RFX3: variants seen among roughly 807,000 people sequenced by gnomAD.
RFX3 encodes the protein regulatory factor X3, also known as transcription factor RFX3.
Under a neutral mutation model 98.6 loss-of-function variants are expected in RFX3, and 14 were observed. That is an observed-to-expected ratio of 0.14 (90% confidence interval 0.09 to 0.22). RFX3 has a LOEUF of 0.22. Among genes scored for constraint, RFX3 ranks in the 10% least tolerant of loss-of-function variants. The pLI, the probability that RFX3 is intolerant of heterozygous loss-of-function variation, is 1.00. For missense variants in RFX3, 639 were observed against 926.9 expected (o/e 0.69, Z 4.03); for synonymous variants, 383 against 328.4 (o/e 1.17, Z -1.80).
chr9:3,270,266 C>T, intron 11 of RFX3, 105 bp downstream of exon 11: 1 of 1,220,594 alleles, frequency 8.2e-7, no homozygotes, highest in Non-Finnish European at 1.1e-6. Context: ...TCTGGCAAAT[C>T]TAAATGAAAT....
At chr9:3,411,692 T>C (rs1842481008) in intron 1 of RFX3, among the ~76,000 whole-genome samples, 1 of 151,738 alleles carries the variant, frequency 6.6e-6, no homozygotes, top group Non-Finnish European at 1.5e-5. Flanking sequence ...GATTTCACCA[T>C]GTTGGCCAGG....
At chr9:3,505,911 C>T (rs2133778303) in intron 1 of RFX3, among the ~76,000 whole-genome samples, 1 of 151,798 alleles carries the variant, frequency 6.6e-6, no homozygotes, top group East Asian at 1.9e-4. Context: ...GGGCAGAGGC[C>T]CTTGAAGAAT....
intron 7 of RFX3, among the ~76,000 whole-genome samples, chr9:3,279,237 C>A (rs1284961032): frequency 6.6e-6 from 1 of 151,602 alleles, no homozygotes; most frequent in East Asian, 1.9e-4. Flanking sequence ...AGTTTCTTTT[C>A]CTTATTGATT....
chr9:3,460,574 A>G (rs956397692), intron 1 of RFX3, among the ~76,000 whole-genome samples: 3 of 151,926 alleles, frequency 2.0e-5, no homozygotes, highest in African/African-American at 7.2e-5. Flanking sequence ...CCTTAGCTCT[A>G]AACTTGAAAC....
At chr9:3,347,696 C>T (rs1834600815) in intron 2 of RFX3, among the ~76,000 whole-genome samples, 1 of 151,684 alleles carries the variant, frequency 6.6e-6, no homozygotes, top group South Asian at 2.1e-4. Context: ...CATGGTGGTG[C>T]ATGCCTGTAA....
At chr9:3,431,636 G>C (rs1019892613) in intron 1 of RFX3, among the ~76,000 whole-genome samples, 1 of 152,080 alleles carries the variant, frequency 6.6e-6, no homozygotes, top group Non-Finnish European at 1.5e-5. Flanking sequence ...TCAAGAAAAA[G>C]TTGTCATTAT....
chr9:3,362,339 T>C (rs1836558196), intron 2 of RFX3, among the ~76,000 whole-genome samples: 1 of 152,234 alleles, frequency 6.6e-6, no homozygotes, highest in South Asian at 2.1e-4. Flanking sequence ...GAATTCATTT[T>C]ATGTAGAAAA....
chr9:3,515,036 T>C (rs1481656197), intron 1 of RFX3, among the ~76,000 whole-genome samples: 1 of 152,222 alleles, frequency 6.6e-6, no homozygotes, highest in Admixed American at 6.5e-5. Flanking sequence ...GTGACAGATT[T>C]TACTCTTTGG....
At chr9:3,494,963 T>C (rs570772687) in intron 1 of RFX3, among the ~76,000 whole-genome samples, 1 of 152,126 alleles carries the variant, frequency 6.6e-6, no homozygotes, top group East Asian at 1.9e-4. Context: ...TTACCAATAG[T>C]GAGAGTCTGG....
chr9:3,502,677 T>C (rs1816158854), intron 1 of RFX3, among the ~76,000 whole-genome samples: 2 of 152,186 alleles, frequency 1.3e-5, no homozygotes, highest in Non-Finnish European at 2.9e-5. Flanking sequence ...AACACTTGTT[T>C]AGAAACTTTC....
chr9:3,488,755 T>G, intron 1 of RFX3: 3 of 984,264 alleles, frequency 3.0e-6, no homozygotes, highest in Non-Finnish European at 3.6e-6. Flanking sequence ...GAATTTTTGA[T>G]GTACTTTACA....
At chr9:3,349,869 G>T (rs1456943016) in intron 2 of RFX3, among the ~76,000 whole-genome samples, 2 of 151,806 alleles carry the variant, frequency 1.3e-5, no homozygotes. Context: ...CTTTTGACTT[G>T]GAATTATGAA....
chr9:3,513,403 G>C (rs1421447871), intron 1 of RFX3, among the ~76,000 whole-genome samples: 4 of 151,976 alleles, frequency 2.6e-5, no homozygotes, highest in African/African-American at 9.7e-5. Flanking sequence ...CAAATTATAT[G>C]ATCCTGCACT....
intron 1 of RFX3, among the ~76,000 whole-genome samples, chr9:3,414,682 G>GTA (rs1236940760): frequency 3.0e-5 from 3 of 101,620 alleles, no homozygotes; most frequent in African/African-American, 1.8e-4. Flanking sequence ...GTATATATGA[G>GTA]TATATATGTA....
chr9:3,301,072 A>G (rs370801656), intron 5 of RFX3, among the ~76,000 whole-genome samples: 1 of 151,956 alleles, frequency 6.6e-6, no homozygotes, highest in East Asian at 1.9e-4. Flanking sequence ...CCCACCTTAC[A>G]TAGTCTTACT....
chr9:3,277,143 G>C (rs1019740163), intron 8 of RFX3, among the ~76,000 whole-genome samples, 197 bp downstream of exon 8: 1 of 152,018 alleles, frequency 6.6e-6, no homozygotes, highest in South Asian at 2.1e-4. Flanking sequence ...TATATAGCTC[G>C]AGATTTTTAA....
intron 1 of RFX3, among the ~76,000 whole-genome samples, chr9:3,505,036 A>ATATATTTTATAT (rs1489708366): frequency 1.1e-5 from 1 of 87,732 alleles, no homozygotes; most frequent in Non-Finnish European, 2.0e-5. Flanking sequence ...AAATAATATA[A>ATATATTTTATAT]TATATTTTAT....
chr9:3,368,578 AT>A (rs1428633905), intron 2 of RFX3, among the ~76,000 whole-genome samples: 2 of 152,232 alleles, frequency 1.3e-5, no homozygotes, highest in Non-Finnish European at 2.9e-5. Flanking sequence ...CAGGGATATC[AT>A]TTCCTTAACT....
intron 6 of RFX3, among the ~76,000 whole-genome samples, chr9:3,289,105 AAATAG>A (rs1281301728): frequency 6.6e-6 from 1 of 152,150 alleles, no homozygotes; most frequent in Non-Finnish European, 1.5e-5. Flanking sequence ...TGCAAAGAGA[AAATAG>A]TAGTTTTTCA....
Sources: gnomAD v4.1 joint callset for allele counts (sites outside exome capture counted in the v4.1 genomes callset) on GRCh38, gnomAD v4.1.1 for gene constraint, MANE v1.5 for transcripts, NCBI Gene and HGNC (gene_info 2026-07-23, HGNC 2026-07-21) for gene names.